Variants in ATP2B4 observed in about 807,000 individuals in gnomAD.
ATP2B4 encodes ATPase plasma membrane Ca2+ transporting 4.
ATP2B4 carries 39 observed loss-of-function variants against 110.3 expected under a neutral mutation model. That is an observed-to-expected ratio of 0.35 (90% CI 0.27 to 0.46). The LOEUF (loss-of-function observed/expected upper bound fraction) is 0.46, where lower values mean the gene tolerates loss of function less well. Among genes scored for constraint, ATP2B4 ranks in the 20% least tolerant of loss-of-function variants. ATP2B4 has a pLI of 1.00. For synonymous variants in ATP2B4, 538 were observed against 571.7 expected, an observed-to-expected ratio of 0.94 and a Z score of 0.84; for missense variants, 1,135 against 1,530.9, an observed-to-expected ratio of 0.74 and a Z score of 4.32.
intron 20 of ATP2B4, among the ~76,000 whole-genome samples, chr1:203,738,495 A>G (rs1037138975): frequency 6.6e-6 from 1 of 152,164 alleles, no homozygotes; most frequent in African/African-American, 2.4e-5. Flanking sequence ...ACACTGGGCA[A>G]TGCATCTCCT....
intron 2 of ATP2B4, among the ~76,000 whole-genome samples, chr1:203,697,195 C>T (rs1333744398): frequency 2.6e-5 from 4 of 152,162 alleles, no homozygotes; most frequent in African/African-American, 9.7e-5. Context: ...AAGAGGGGCA[C>T]ATGTGCTTAA....
Position 203,628,712 on chromosome 1 carries a change from C to T in ATP2B4, c.-465+1493C>T, listed in dbSNP as rs1292738964. ...CCTACTACGCCCCCTCCACTCTGAG[C>T]CCTCTACCTGGAGGAAGGAGACCAG... On this transcript the variant is annotated intron_variant, in intron 1 of 20. Coordinates refer to ENST00000357681, the MANE Select transcript of ATP2B4 (RefSeq NM_001684.5). Among the ~76,000 whole-genome samples the T allele has an allele frequency of 3.3e-5, 5 of 152,162 alleles. No individual in the cohort carries two copies. In the East Asian group the frequency reaches 9.6e-4, roughly 29 times the overall value.
intron 20 of ATP2B4, among the ~76,000 whole-genome samples, chr1:203,735,431 TGTGGGTTTC>T (rs1360208589): frequency 6.6e-6 from 1 of 152,208 alleles, no homozygotes; most frequent in Non-Finnish European, 1.5e-5. Flanking sequence ...TTAAATATAA[TGTGGGTTTC>T]AAATAGCTGA....
intron 1 of ATP2B4, among the ~76,000 whole-genome samples, chr1:203,638,983 G>A (rs1045582320): frequency 6.6e-6 from 1 of 152,214 alleles, no homozygotes; most frequent in Non-Finnish European, 1.5e-5. Context: ...CTTGAGCTGA[G>A]AGAGGCAGAG....
At chr1:203,628,545 G>A (rs1663160354) in intron 1 of ATP2B4, among the ~76,000 whole-genome samples, 1 of 152,172 alleles carries the variant, frequency 6.6e-6, no homozygotes, top group South Asian at 2.1e-4. Flanking sequence ...AAAGGAGTGG[G>A]GGAGGGAAGG....
intron 1 of ATP2B4, among the ~76,000 whole-genome samples, chr1:203,670,839 A>G (rs7537404): frequency 0.8 from 121,192 of 152,162 alleles, 49,638 homozygotes; most frequent in East Asian, 0.99. Flanking sequence ...TGATGGGAGC[A>G]TCAGTGTCTT....
chr1:203,696,626 C>A (rs956794684), intron 2 of ATP2B4, among the ~76,000 whole-genome samples: 1 of 152,208 alleles, frequency 6.6e-6, no homozygotes. Context: ...TAGGATTGCC[C>A]CTCTTCCCTT....
At chr1:203,657,106 G>T (rs1287413622) in intron 1 of ATP2B4, 1 of 826,858 alleles carries the variant, frequency 1.2e-6, no homozygotes, top group Non-Finnish European at 2.1e-6. Context: ...AATATCTTTG[G>T]TAATAACACC....
chr1:203,688,015 T>G (rs1209436216), intron 2 of ATP2B4, among the ~76,000 whole-genome samples: 5 of 147,362 alleles, frequency 3.4e-5, no homozygotes, highest in Non-Finnish European at 7.5e-5. Flanking sequence ...TTATTATTAT[T>G]ATTATTATTA....
chr1:203,653,171 A>G (rs181778935), intron 1 of ATP2B4, among the ~76,000 whole-genome samples: 5 of 152,398 alleles, frequency 3.3e-5, no homozygotes, highest in African/African-American at 1.2e-4. Flanking sequence ...TGGTCTGATT[A>G]GAAGATCAAA....
At chr1:203,717,611 G>A (rs1342676687) in intron 15 of ATP2B4, among the ~76,000 whole-genome samples, 4 of 115,992 alleles carry the variant, frequency 3.4e-5, no homozygotes, top group Admixed American at 1.0e-4. Context: ...TCATTTTAAT[G>A]TGAAATGGTA....
intron 1 of ATP2B4, among the ~76,000 whole-genome samples, chr1:203,679,046 G>A (rs985846995): frequency 3.9e-5 from 6 of 152,002 alleles, no homozygotes; most frequent in Non-Finnish European, 5.9e-5. Context: ...GAGAGAGTTA[G>A]CTCTTCTATC....
chr1:203,698,747 G>A (rs556461511), intron 3 of ATP2B4, among the ~76,000 whole-genome samples: 15 of 151,890 alleles, frequency 9.9e-5, no homozygotes, highest in Admixed American at 7.9e-4. Flanking sequence ...AGCAATTCTC[G>A]TGCCTCGGCC....
intron 2 of ATP2B4, 134 bp from the exon 3 acceptor site, chr1:203,698,023 T>G: frequency 1.3e-6 from 1 of 748,134 alleles, no homozygotes; most frequent in Non-Finnish European, 2.2e-6. Flanking sequence ...TTATTTATTT[T>G]TGAGACAGCG....
Position 203,723,486 on chromosome 1 carries a change from T to TC in ATP2B4, c.3025-395_3025-394insC, listed in dbSNP as rs1558052519. On this transcript the variant is annotated intron_variant, in intron 18 of 20. Coordinates refer to ENST00000357681, the MANE Select transcript of ATP2B4 (RefSeq NM_001684.5). ...CCTCTGCCTCTCTCTCTCTCTCTCTTTTCCCCCCTCCCCCAGGGGGAGTGC... is the reference window on the plus strand; with the variant it reads ...CCTCTGCCTCTCTCTCTCTCTCTCTTCTTCCCCCCTCCCCCAGGGGGAGTGC... 1.3e-3 allele frequency among the ~76,000 whole-genome samples: 163 copies of TC among 122,020 alleles called. 5 individuals are homozygous for TC. Among genetic ancestry groups the TC allele is most frequent in the African/African-American group, 5.1e-3 (156 of 30,452 alleles). The allele number at this position is 122,020 out of a possible 152,430, so 80.0% of individuals were successfully genotyped here.
chr1:203,736,545 A>G (rs1666883569), intron 20 of ATP2B4, among the ~76,000 whole-genome samples: 1 of 151,992 alleles, frequency 6.6e-6, no homozygotes, highest in African/African-American at 2.4e-5. Flanking sequence ...AGCTGCAGAG[A>G]GTAGCCCTCA....
intron 1 of ATP2B4, among the ~76,000 whole-genome samples, chr1:203,663,129 C>CT (rs1664398609): frequency 6.6e-6 from 1 of 152,066 alleles, no homozygotes; most frequent in Non-Finnish European, 1.5e-5. Flanking sequence ...TTTGTGTTTG[C>CT]TTTTGTTTTT....
At chr1:203,702,273 C>CA (rs1665717816) in intron 7 of ATP2B4, among the ~76,000 whole-genome samples, 194 bp downstream of exon 7, 1 of 152,154 alleles carries the variant, frequency 6.6e-6, no homozygotes, top group Non-Finnish European at 1.5e-5. Flanking sequence ...TAAGATGGGA[C>CA]AACAGCACCC....
At chr1:203,656,008 G>T (rs989331299) in intron 1 of ATP2B4, among the ~76,000 whole-genome samples, 1 of 151,558 alleles carries the variant, frequency 6.6e-6, no homozygotes, top group Non-Finnish European at 1.5e-5. Flanking sequence ...GGGTTCAAGC[G>T]ATTCTCTCAA....
Sources: gnomAD v4.1 joint callset for allele counts (sites outside exome capture counted in the v4.1 genomes callset) on GRCh38, gnomAD v4.1.1 for gene constraint, MANE v1.5 for transcripts, NCBI Gene and HGNC (gene_info 2026-07-23, HGNC 2026-07-21) for gene names.